Variants in PXDNL observed in about 807,000 individuals in gnomAD.
PXDNL encodes probable oxidoreductase PXDNL.
A neutral mutation model predicts 150.8 loss-of-function variants in PXDNL; 145 were observed. The ratio of observed to expected loss-of-function variants is 0.96; its 90% CI spans 0.84 to 1.10. The LOEUF is 1.10. Among genes scored for constraint, PXDNL ranks in the 50% least tolerant of loss-of-function variants. The probability of loss-of-function intolerance (pLI) is 0.00; values close to 1 mark genes in which losing one functional copy is unlikely to be tolerated. For missense variants in PXDNL, 2,087 were observed against 1,873.9 expected (o/e 1.11, Z -2.10); for synonymous variants, 757 against 725.7 (o/e 1.04, Z -0.69).
chr8:51,498,137 T>C (rs915899896), intron 5 of PXDNL, among the ~76,000 whole-genome samples: 5 of 151,896 alleles, frequency 3.3e-5, no homozygotes, highest in Non-Finnish European at 5.9e-5. Context: ...TGTAGGGACA[T>C]GGATGAAACT....
chr8:51,450,885 G>A (rs139625213), intron 10 of PXDNL, among the ~76,000 whole-genome samples: 2 of 152,204 alleles, frequency 1.3e-5, no homozygotes, highest in East Asian at 3.9e-4. Context: ...AATCTGGGCC[G>A]CTCAACCCCC....
At chr8:51,368,258 A>G (rs1286226911) in intron 19 of PXDNL, among the ~76,000 whole-genome samples, 1 of 152,234 alleles carries the variant, frequency 6.6e-6, no homozygotes, top group African/African-American at 2.4e-5. Flanking sequence ...CACCCATACA[A>G]ACCCATAGCC....
intron 2 of PXDNL, among the ~76,000 whole-genome samples, chr8:51,639,883 A>G (rs560357126): frequency 6.6e-6 from 1 of 152,238 alleles, no homozygotes; most frequent in South Asian, 2.1e-4. Flanking sequence ...TACCAAAGCC[A>G]GGAAGAGACG....
chr8:51,608,041 GA>G (rs1238423066), intron 2 of PXDNL, among the ~76,000 whole-genome samples: 17 of 126,884 alleles, frequency 1.3e-4, no homozygotes, highest in African/African-American at 3.1e-4. Flanking sequence ...AAGAAAGAAA[GA>G]AAGAAAGAAA....
chr8:51,744,835 G>A (rs2130962596), intron 1 of PXDNL, among the ~76,000 whole-genome samples: 1 of 144,814 alleles, frequency 6.9e-6, no homozygotes, highest in Non-Finnish European at 1.5e-5. Flanking sequence ...CAGACAGAAA[G>A]AAAAGGAAGG....
At chr8:51,678,833 A>G (rs570450431) in intron 1 of PXDNL, among the ~76,000 whole-genome samples, 1 of 152,310 alleles carries the variant, frequency 6.6e-6, no homozygotes, top group Admixed American at 6.5e-5. Context: ...TAACCTGCAC[A>G]TTGTGCACAT....
Position 51,809,264 on chromosome 8 carries a change from C to A in PXDNL, c.81G>T (p.Arg27=). 1 of 1,605,412 alleles carries A rather than the reference C, an allele frequency of 6.2e-7. No homozygotes were observed. The highest frequency in any genetic ancestry group is 8.5e-7 in the Non-Finnish European group (1 of 1,175,908). ...WCLPGLPCPS[R]CLCFKSTVRC... ...GGACGGTGCTCTTAAAGCAAAGGCA[C>A]CGGCTGGGGCAGGGCAACCCTGGCA... is the stretch of plus-strand genomic sequence containing the variant. Residue 27 remains arginine, a synonymous_variant, in exon 1 of 23, where the codon CGG becomes CGT. Transcript: ENST00000356297.
At chr8:51,708,164 T>C (rs903806581) in intron 1 of PXDNL, among the ~76,000 whole-genome samples, 1 of 152,206 alleles carries the variant, frequency 6.6e-6, no homozygotes, top group Non-Finnish European at 1.5e-5. Flanking sequence ...AAAGTTTTTG[T>C]CCTCTCAAAA....
At chr8:51,646,101 C>T (rs1199589421) in intron 2 of PXDNL, among the ~76,000 whole-genome samples, 1 of 152,088 alleles carries the variant, frequency 6.6e-6, no homozygotes, top group Admixed American at 6.6e-5. Context: ...TAACCCCTCA[C>T]GTGACTAAAT....
At chr8:51,671,820 G>A (rs1024493677) in intron 1 of PXDNL, among the ~76,000 whole-genome samples, 14 of 151,972 alleles carry the variant, frequency 9.2e-5, no homozygotes, top group South Asian at 4.2e-4. Context: ...CTTTCTCTCC[G>A]TCTCCTCCCT....
At chr8:51,509,954 T>C (rs1416288902) in intron 4 of PXDNL, among the ~76,000 whole-genome samples, 1 of 152,012 alleles carries the variant, frequency 6.6e-6, no homozygotes, top group Non-Finnish European at 1.5e-5. Context: ...AGGGATTTTA[T>C]GTTTTGTTTA....
At chr8:51,500,504 T>G (rs1348691656) in intron 4 of PXDNL, among the ~76,000 whole-genome samples, 2 of 152,224 alleles carry the variant, frequency 1.3e-5, no homozygotes, top group Admixed American at 6.5e-5. Flanking sequence ...AGCAGACCTT[T>G]GTGAAGCAAA....
chr8:51,681,844 C>CAT (rs1815757772), intron 1 of PXDNL, among the ~76,000 whole-genome samples: 1 of 152,118 alleles, frequency 6.6e-6, no homozygotes, highest in African/African-American at 2.4e-5. Context: ...CAGTGGGCAC[C>CAT]ATGTTTCCAC....
intron 2 of PXDNL, among the ~76,000 whole-genome samples, chr8:51,651,881 C>T (rs943902462): frequency 5.3e-5 from 8 of 152,128 alleles, no homozygotes; most frequent in Admixed American, 2.6e-4. Flanking sequence ...TGTGCTGCAG[C>T]GGGTGAAATT....
chr8:51,779,307 T>G (rs1319354086), intron 1 of PXDNL, among the ~76,000 whole-genome samples: 2 of 152,192 alleles, frequency 1.3e-5, no homozygotes, highest in African/African-American at 4.8e-5. Flanking sequence ...ACACATATCA[T>G]GATCTGACGG....
At chr8:51,649,893 G>A (rs1163925688) in intron 2 of PXDNL, among the ~76,000 whole-genome samples, 1 of 151,892 alleles carries the variant, frequency 6.6e-6, no homozygotes, top group African/African-American at 2.4e-5. Context: ...CCTGAGGTCA[G>A]GAGTTTGAGA....
intron 3 of PXDNL, among the ~76,000 whole-genome samples, chr8:51,576,758 A>G (rs914067318): frequency 8.6e-5 from 13 of 151,822 alleles, no homozygotes; most frequent in Admixed American, 7.2e-4. Context: ...AAATTGAAAA[A>G]CCTCTACCAA....
At chr8:51,651,557 G>C (rs1815037459) in intron 2 of PXDNL, among the ~76,000 whole-genome samples, 1 of 151,986 alleles carries the variant, frequency 6.6e-6, no homozygotes, top group South Asian at 2.1e-4. Context: ...TTTTCAATTA[G>C]GCCTTCCTTC....
intron 3 of PXDNL, among the ~76,000 whole-genome samples, chr8:51,565,305 AATAAATAAATAAATAAATAG>A (rs1389968841): frequency 1.7e-4 from 23 of 135,488 alleles, no homozygotes; most frequent in East Asian, 8.0e-4. Flanking sequence ...TAAATAAATA[AATAAATAAATAAATAAATAG>A]ATAGATAGAT....
Sources: allele counts gnomAD v4.1 joint callset (sites outside exome capture counted in the v4.1 genomes callset), GRCh38; gene constraint gnomAD v4.1.1; transcripts MANE v1.5; gene names NCBI Gene and HGNC (gene_info 2026-07-23, HGNC 2026-07-21).